ERMAP: variants seen among roughly 807,000 people sequenced by gnomAD.
ERMAP encodes the protein erythroblast membrane associated protein (Scianna blood group).
ERMAP carries 34 observed loss-of-function variants against 49.5 expected under a neutral mutation model. That is an observed-to-expected ratio of 0.69 (90% CI 0.52 to 0.91). The LOEUF (loss-of-function observed/expected upper bound fraction) is 0.91, where lower values mean the gene tolerates loss of function less well. Among genes scored for constraint, ERMAP ranks in the 40% least tolerant of loss-of-function variants. The pLI, the probability that ERMAP is intolerant of heterozygous loss-of-function variation, is 0.00. For synonymous variants in ERMAP, 214 were observed against 232.2 expected, an observed-to-expected ratio of 0.92 and a Z score of 0.71; for missense variants, 541 against 582.6, an observed-to-expected ratio of 0.93 and a Z score of 0.74.
intron 2 of ERMAP, among the ~76,000 whole-genome samples, chr1:42,828,198 G>A (rs2124302430): frequency 6.6e-6 from 1 of 151,554 alleles, no homozygotes; most frequent in East Asian, 1.9e-4. Flanking sequence ...TCTTACATCT[G>A]TGTAAGAAAA....
In ERMAP at chr1:42,843,613, C is replaced by T. The variant is rs1033111324; in HGVS notation, c.*381C>T. 5.3e-6 allele frequency: 1 copy of T among 190,260 alleles called. No individual in the cohort carries two copies. Among genetic ancestry groups the T allele is most frequent in the East Asian group, 1.3e-4 (1 of 7,594 alleles). The allele number at this position is 190,260 out of a possible 1,614,324, so 11.8% of individuals were successfully genotyped here. A position where few individuals can be genotyped will look rare whatever the true frequency, so the allele number is the denominator to read the frequency against. On this transcript the variant is annotated 3_prime_UTR_variant, in exon 12 of 12. Transcript: ENST00000372517. Reference sequence around the variant, plus strand: ...CAAGCTTTAGTCAAGAAGTTATGGCCCCCAGTCCCTGACTTCTTACTTATC... The same window carrying T: ...CAAGCTTTAGTCAAGAAGTTATGGCTCCCAGTCCCTGACTTCTTACTTATC...
At chr1:42,818,500 G>A (rs914984414) in intron 1 of ERMAP, among the ~76,000 whole-genome samples, 23 of 152,178 alleles carry the variant, frequency 1.5e-4, no homozygotes, top group African/African-American at 5.1e-4. Context: ...AAAAATAGAT[G>A]GGGTCTTGCT....
chr1:42,835,791 G>A lies in ERMAP; in HGVS notation c.583+27G>A, dbSNP rs745766742. On this transcript the variant is annotated intron_variant, in intron 6 of 11. Transcript: ENST00000372517. ...TAAGTGTTCTTGGCTGGGGGGCAGG[G>A]GAGATGTTTCTTTTGTTGTTAATTT... 3.8e-6 allele frequency: 6 copies of A among 1,594,890 alleles called. No individual in the cohort carries two copies. The African/African-American group carries it at 5.4e-5, about 14-fold the overall frequency.
chr1:42,824,542 C>T (rs1432016459), intron 1 of ERMAP: 1 of 152,056 alleles, frequency 6.6e-6, no homozygotes, highest in African/African-American at 2.4e-5. Context: ...ATTTGTACAC[C>T]CCCAGAACAG....
At position 42,838,881 on chromosome 1, in the gene ERMAP, T is replaced by C. The variant is rs1406224466; in HGVS notation, c.617-20T>C. The C allele has an allele frequency of 1.2e-6, 2 of 1,614,104 alleles. No individual in the cohort carries two copies. The highest frequency in any genetic ancestry group is 2.2e-5 in the South Asian group (2 of 91,080). ...GGCAGGATCTGATCACTCACTCTTC[T>C]CTCTCTTTCTGGTTTTTAGGAAAAC... On this transcript the variant is annotated intron_variant, in intron 7 of 11. Coordinates refer to ENST00000372517, the MANE Select transcript of ERMAP (RefSeq NM_001017922.2).
In ERMAP at chr1:42,831,067, C is replaced by T. The variant is rs1164510398; in HGVS notation, c.385C>T (p.Gln129Ter). The change falls in exon 4 of 12, where the codon CAA becomes TAA. Residue 129 changes from glutamine (Q) to a stop codon, truncating the protein, a stop_gained. Transcript: ENST00000372517. LOFTEE classifies it high-confidence loss of function. ...EDQGSYRCLI[Q>*]VGNLSKEDTV... ...CCAAGGGTCTTACCGATGTCTGATC[C>T]AAGTTGGAAATCTGAGTAAAGAGGA... The T allele has an allele frequency of 1.9e-6, 3 of 1,614,214 alleles. No individual in the cohort carries two copies. Among genetic ancestry groups the T allele is most frequent in the Admixed American group, 1.7e-5 (1 of 60,030 alleles).
chr1:42,829,864 T>A (rs1654662640), intron 2 of ERMAP: 1 of 153,752 alleles, frequency 6.5e-6, no homozygotes, highest in African/African-American at 2.4e-5. Context: ...AACCCAGGTC[T>A]TTCCAGCGCC....
At chr1:42,817,333 G>A in intron 1 of ERMAP, 80 bp downstream of exon 1, 6 of 1,035,746 alleles carry the variant, frequency 5.8e-6, no homozygotes, top group Non-Finnish European at 7.5e-6. Context: ...CCGCGCGCCG[G>A]GGGGAGGGGC....
At chr1:42,821,737 T>C (rs2124279681) in intron 1 of ERMAP, among the ~76,000 whole-genome samples, 1 of 152,122 alleles carries the variant, frequency 6.6e-6, no homozygotes, top group Non-Finnish European at 1.5e-5. Context: ...ACTGACTGGG[T>C]GTGGTGGTTC....
chr1:42,839,756 T>G, intron 8 of ERMAP: 1 of 533,976 alleles, frequency 1.9e-6, no homozygotes, highest in Non-Finnish European at 3.3e-6. Context: ...ACATAATTTA[T>G]GTTGTCATTA....
intron 2 of ERMAP, among the ~76,000 whole-genome samples, chr1:42,828,641 G>A (rs1345951939): frequency 6.6e-6 from 1 of 151,972 alleles, no homozygotes; most frequent in African/African-American, 2.4e-5. Flanking sequence ...GACTACAGGT[G>A]CGTGCCACCA....
chr1:42,830,826 G>C lies in ERMAP; in HGVS notation c.144G>C (p.Leu48=), dbSNP rs1314875226. The change falls in exon 4 of 12, where the codon CTG becomes CTC. Residue 48 remains leucine, a synonymous_variant. Coordinates refer to ENST00000372517, the MANE Select transcript of ERMAP (RefSeq NM_001017922.2). ...HVALLGGTAE[L]LCPLSLWPGT... ...CCCTACTAGGGGGCACAGCCGAGCTGCTCTGCCCTCTCTCCCTCTGGCCCG... is the reference window on the plus strand; with the variant it reads ...CCCTACTAGGGGGCACAGCCGAGCTCCTCTGCCCTCTCTCCCTCTGGCCCG... 1.3e-6 allele frequency: 2 copies of C among 1,594,182 alleles called. No homozygotes were observed. The highest frequency in any genetic ancestry group is 1.7e-6 in the Non-Finnish European group (2 of 1,170,590).
At chr1:42,828,096 T>A (rs1046324187) in intron 2 of ERMAP, among the ~76,000 whole-genome samples, 1 of 151,622 alleles carries the variant, frequency 6.6e-6, no homozygotes, top group Non-Finnish European at 1.5e-5. Flanking sequence ...AATATTGATA[T>A]GTTACATGTT....
Position 42,817,267 on chromosome 1 carries a change from TC to T in ERMAP, c.-122+19del. On this transcript the variant is annotated intron_variant, in intron 1 of 11. Coordinates refer to ENST00000372517, the MANE Select transcript of ERMAP (RefSeq NM_001017922.2). Reference sequence around the variant, plus strand: ...GCCTCCGGGAGGGTAATCCTCGCCTTCCCCCGACCACTGGACCCAGCGCTGC... The same window carrying T: ...GCCTCCGGGAGGGTAATCCTCGCCTTCCCCGACCACTGGACCCAGCGCTGC... 2 of 1,241,894 alleles carry T rather than the reference TC, an allele frequency of 1.6e-6. No homozygotes were observed. The highest frequency in any genetic ancestry group is 1.3e-5 in the South Asian group (1 of 76,260). 76.9% of individuals were successfully genotyped at this position (1,241,894 alleles called of 1,614,324 possible).
In ERMAP at chr1:42,830,765, C is replaced by T; in HGVS notation, c.86-3C>T. ...AGTTGGCCTTGTCTCTTTTTTTGTC[C>T]AGGCCACGCAGGGGATGCCGGCAAG... On this transcript the variant is annotated splice_polypyrimidine_tract_variant and splice_region_variant and intron_variant, in intron 3 of 11. Coordinates refer to ENST00000372517, the MANE Select transcript of ERMAP (RefSeq NM_001017922.2). 1 of 1,522,460 alleles carries T rather than the reference C, an allele frequency of 6.6e-7. No homozygotes were observed. Among genetic ancestry groups the T allele is most frequent in the Non-Finnish European group, 8.8e-7 (1 of 1,135,150 alleles). The allele number at this position is 1,522,460 out of a possible 1,614,324, so 94.3% of individuals were successfully genotyped here.
At chr1:42,829,160 C>G (rs1379282919) in intron 2 of ERMAP, among the ~76,000 whole-genome samples, 1 of 152,114 alleles carries the variant, frequency 6.6e-6, no homozygotes, top group Non-Finnish European at 1.5e-5. Flanking sequence ...TCACTATGAC[C>G]TAGTGCTATG....
chr1:42,834,425 C>A (rs185097753), intron 4 of ERMAP, among the ~76,000 whole-genome samples: 1 of 152,102 alleles, frequency 6.6e-6, no homozygotes, highest in Non-Finnish European at 1.5e-5. Context: ...TCTGAAGTCC[C>A]GGGCTTATTT....
In ERMAP at chr1:42,842,858, A is replaced by T; in HGVS notation, c.1054A>T (p.Lys352Ter). The T allele has an allele frequency of 6.2e-7, 1 of 1,614,202 alleles. No homozygotes were observed. Among genetic ancestry groups the T allele is most frequent in the Non-Finnish European group, 8.5e-7 (1 of 1,180,036 alleles). ...ATCCCCGCAGACCTCCTTCCGCCTTAAAGAGCCTCCACGGTGTGTGGGGAT... is the reference window on the plus strand; with the variant it reads ...ATCCCCGCAGACCTCCTTCCGCCTTTAAGAGCCTCCACGGTGTGTGGGGAT... ...LTSPQTSFRL[K>*]EPPRCVGIFL... Residue 352 changes from lysine (K) to a stop codon, truncating the protein, a stop_gained, in exon 12 of 12, where the codon AAA (lysine) becomes TAA (stop). Coordinates refer to ENST00000372517, the MANE Select transcript of ERMAP (RefSeq NM_001017922.2). LOFTEE classifies it high-confidence loss of function.
intron 11 of ERMAP, among the ~76,000 whole-genome samples, chr1:42,841,722 A>G (rs564601552): frequency 2.0e-5 from 3 of 152,334 alleles, no homozygotes; most frequent in Admixed American, 1.3e-4. Context: ...AACAAGCCCA[A>G]GGTCACATAA....
Sources: allele counts gnomAD v4.1 joint callset (sites outside exome capture counted in the v4.1 genomes callset), GRCh38; gene constraint gnomAD v4.1.1; transcripts MANE v1.5; gene names NCBI Gene and HGNC (gene_info 2026-07-23, HGNC 2026-07-21).